The following KHDRBS2 variants were observed in gnomAD, a reference collection of about 807,000 sequenced individuals.
The protein encoded by KHDRBS2 is KH domain-containing, RNA-binding, signal transduction-associated protein 2.
A neutral mutation model predicts 44.3 loss-of-function variants in KHDRBS2; 26 were observed. That is an observed-to-expected ratio of 0.59 (90% CI 0.43 to 0.81). KHDRBS2 has a LOEUF of 0.81. Ranked by LOEUF, KHDRBS2 falls within the 40% of genes least tolerant of loss-of-function variation. The pLI is 0.00. For synonymous variants in KHDRBS2, 194 were observed against 151.1 expected (o/e 1.28, Z -2.08); for missense variants, 476 against 433.1 (o/e 1.10, Z -0.88).
intron 6 of KHDRBS2, among the ~76,000 whole-genome samples, chr6:61,868,426 C>A (rs536992530): frequency 6.6e-6 from 1 of 152,220 alleles, no homozygotes; most frequent in African/African-American, 2.4e-5. Context: ...TTGGGAGATC[C>A]CGGCCAGTGA....
chr6:61,656,851 C>A, the KHDRBS2 span, among the ~76,000 whole-genome samples: 2 of 151,934 alleles, frequency 1.3e-5, no homozygotes, highest in Non-Finnish European at 2.9e-5. Context: ...AACAGAAATT[C>A]TTTAGATTTT....
chr6:62,163,752 G>A (rs1358214891), intron 2 of KHDRBS2, among the ~76,000 whole-genome samples: 3 of 151,872 alleles, frequency 2.0e-5, no homozygotes, highest in Non-Finnish European at 4.4e-5. Context: ...ATATTGGGGG[G>A]CTTTAGGAAA....
chr6:61,660,047 A>G, the KHDRBS2 span, among the ~76,000 whole-genome samples: 2 of 151,972 alleles, frequency 1.3e-5, no homozygotes, highest in East Asian at 1.9e-4. Context: ...TATAGATAAA[A>G]CTACCATAAT....
At chr6:61,952,116 A>T (rs1488337291) in intron 4 of KHDRBS2, among the ~76,000 whole-genome samples, 1 of 152,080 alleles carries the variant, frequency 6.6e-6, no homozygotes, top group African/African-American at 2.4e-5. Flanking sequence ...TTTCCAATTC[A>T]TTTTTATTTA....
chr6:61,976,610 T>C (rs1772723376), intron 4 of KHDRBS2, among the ~76,000 whole-genome samples: 2 of 152,286 alleles, frequency 1.3e-5, no homozygotes, highest in Admixed American at 1.3e-4. Context: ...TCCTTTCATA[T>C]GCATTACCCC....
intron 2 of KHDRBS2, among the ~76,000 whole-genome samples, chr6:62,065,713 G>A (rs930286907): frequency 6.7e-6 from 1 of 149,122 alleles, no homozygotes; most frequent in Non-Finnish European, 1.5e-5. Flanking sequence ...CAGCGCACCA[G>A]CATGGCACAT....
intron 7 of KHDRBS2, among the ~76,000 whole-genome samples, chr6:61,699,691 A>G (rs1582231246): frequency 6.6e-6 from 1 of 152,048 alleles, no homozygotes; most frequent in East Asian, 1.9e-4. Flanking sequence ...AGAGAAGCAG[A>G]AAAAGAAAAG....
downstream of KHDRBS2, among the ~76,000 whole-genome samples, chr6:61,675,144 ACT>A (rs1160706570): frequency 6.6e-6 from 1 of 151,734 alleles, no homozygotes; most frequent in Non-Finnish European, 1.5e-5. Flanking sequence ...ATTTCTTCTA[ACT>A]ATATATTTTT....
At chr6:61,859,632 G>C (rs1400175098) in intron 6 of KHDRBS2, among the ~76,000 whole-genome samples, 1 of 151,860 alleles carries the variant, frequency 6.6e-6, no homozygotes, top group African/African-American at 2.4e-5. Context: ...TTAAACCCAG[G>C]TCTCAATGGA....
At chr6:61,849,244 A>G (rs140265687) in intron 6 of KHDRBS2, among the ~76,000 whole-genome samples, 1 of 152,194 alleles carries the variant, frequency 6.6e-6, no homozygotes, top group East Asian at 1.9e-4. Context: ...GCTTGAACTG[A>G]TCATAATATC....
chr6:61,905,595 T>C (rs927338089), intron 4 of KHDRBS2, among the ~76,000 whole-genome samples: 2 of 152,244 alleles, frequency 1.3e-5, no homozygotes, highest in Admixed American at 6.5e-5. Flanking sequence ...ATACTTGTGA[T>C]AACTGAAGGA....
chr6:61,547,679 C>A, the KHDRBS2 span, among the ~76,000 whole-genome samples: 1 of 152,194 alleles, frequency 6.6e-6, no homozygotes, highest in African/African-American at 2.4e-5. Flanking sequence ...AATGCTGGAC[C>A]AATTAAGCCA....
intron 2 of KHDRBS2, among the ~76,000 whole-genome samples, chr6:62,084,686 T>C (rs1798079647): frequency 6.6e-6 from 1 of 152,178 alleles, no homozygotes; most frequent in Non-Finnish European, 1.5e-5. Context: ...ATTAATGTTG[T>C]ATCATTAAAA....
chr6:61,682,544 A>G (rs1385848206), intron 8 of KHDRBS2, among the ~76,000 whole-genome samples: 1 of 151,908 alleles, frequency 6.6e-6, no homozygotes, highest in East Asian at 1.9e-4. Flanking sequence ...ACTGGAACAC[A>G]GGCATGCTGT....
At chr6:62,138,261 G>T (rs189914806) in intron 2 of KHDRBS2, among the ~76,000 whole-genome samples, 17 of 152,144 alleles carry the variant, frequency 1.1e-4, no homozygotes, top group Admixed American at 3.9e-4. Context: ...CAATTATTTT[G>T]TAATTGCCAC....
At chr6:61,824,116 A>G (rs904568332) in intron 6 of KHDRBS2, among the ~76,000 whole-genome samples, 3 of 152,154 alleles carry the variant, frequency 2.0e-5, no homozygotes, top group African/African-American at 7.2e-5. Flanking sequence ...TGTTTACAAT[A>G]AACAAAGCTC....
At chr6:61,662,035 G>T in the KHDRBS2 span, among the ~76,000 whole-genome samples, 1 of 151,890 alleles carries the variant, frequency 6.6e-6, no homozygotes, top group African/African-American at 2.4e-5. Flanking sequence ...GCATGGTACT[G>T]GTACCAAAAC....
chr6:62,237,126 T>C lies in KHDRBS2; in HGVS notation c.91+48732A>G, dbSNP rs1585347015. Among the ~76,000 whole-genome samples, 3 of 152,318 alleles carry C rather than the reference T, an allele frequency of 2.0e-5. No homozygotes were observed. The East Asian group carries it at 5.8e-4, about 29-fold the overall frequency. On this transcript the variant is annotated intron_variant, in intron 1 of 8. Coordinates refer to ENST00000281156, the MANE Select transcript of KHDRBS2 (RefSeq NM_152688.4). Reference sequence around the variant, plus strand: ...CAGATTGCCATTGCGTCACACGTGCTGTTTTATATGGAAGAGACTCTAAAA... The same window carrying C: ...CAGATTGCCATTGCGTCACACGTGCCGTTTTATATGGAAGAGACTCTAAAA...
chr6:61,672,000 C>A, the KHDRBS2 span, among the ~76,000 whole-genome samples: 2 of 151,646 alleles, frequency 1.3e-5, no homozygotes. Flanking sequence ...TGCCCCCTCC[C>A]CCAACCCCAC....
Sources: allele counts gnomAD v4.1 joint callset (sites outside exome capture counted in the v4.1 genomes callset), GRCh38; gene constraint gnomAD v4.1.1; transcripts MANE v1.5; gene names NCBI Gene and HGNC (gene_info 2026-07-23, HGNC 2026-07-21).